The following APLF variants were observed in gnomAD, a reference collection of about 807,000 sequenced individuals.
APLF encodes aprataxin and PNKP like factor.
APLF carries 61 observed loss-of-function variants against 55.6 expected under a neutral mutation model. The observed-to-expected ratio is 1.10, with a 90% CI of 0.89 to 1.36. The LOEUF is 1.36. Ranked by LOEUF, APLF falls within the 40% of genes most tolerant of loss-of-function variation. The pLI is 0.00. For missense variants in APLF, 611 were observed against 602.5 expected (o/e 1.01, Z -0.15); for synonymous variants, 207 against 214.8 (o/e 0.96, Z 0.32).
chr2:68,476,259 G>T (rs974326556), intron 1 of APLF, among the ~76,000 whole-genome samples: 3 of 152,020 alleles, frequency 2.0e-5, no homozygotes, highest in African/African-American at 7.2e-5. Flanking sequence ...GCCGAGACGG[G>T]CAGATCACCT....
At chr2:68,477,534 G>A (rs911473822) in intron 1 of APLF, among the ~76,000 whole-genome samples, 10 of 152,064 alleles carry the variant, frequency 6.6e-5, no homozygotes, top group South Asian at 4.2e-4. Context: ...CCAGCTACTC[G>A]GAGGCTGAGG....
intron 5 of APLF, among the ~76,000 whole-genome samples, chr2:68,524,389 C>G (rs561534602): frequency 1.3e-5 from 2 of 152,274 alleles, no homozygotes; most frequent in African/African-American, 4.8e-5. Context: ...ACTTGAATGT[C>G]CTTTAGAACT....
At chr2:68,549,107 A>T (rs12468819) in intron 8 of APLF, among the ~76,000 whole-genome samples, 1 of 151,960 alleles carries the variant, frequency 6.6e-6, no homozygotes, top group Admixed American at 6.6e-5. Context: ...CTGAATCAGG[A>T]TCTGCTTAAA....
At chr2:68,501,823 T>C (rs566658486) in intron 2 of APLF, among the ~76,000 whole-genome samples, 1 of 152,182 alleles carries the variant, frequency 6.6e-6, no homozygotes, top group Non-Finnish European at 1.5e-5. Flanking sequence ...GAGATTTGAT[T>C]AGAATCTTCC....
chr2:68,554,920 A>G (rs1209961374), intron 8 of APLF, among the ~76,000 whole-genome samples: 6 of 152,162 alleles, frequency 3.9e-5, no homozygotes, highest in Non-Finnish European at 8.8e-5. Context: ...CGATAAGGCC[A>G]TAGTCACCAA....
At chr2:68,514,354 A>G (rs1370258668) in intron 5 of APLF, among the ~76,000 whole-genome samples, 1 of 151,466 alleles carries the variant, frequency 6.6e-6, no homozygotes, top group Non-Finnish European at 1.5e-5. Context: ...GTGCCTAGTG[A>G]TTTTCTATTG....
chr2:68,498,340 A>ATACT (rs1676621621), intron 2 of APLF, among the ~76,000 whole-genome samples: 2 of 152,252 alleles, frequency 1.3e-5, no homozygotes, highest in Non-Finnish European at 2.9e-5. Flanking sequence ...TCCCTTCTGT[A>ATACT]TACTGCATGC....
intron 7 of APLF, among the ~76,000 whole-genome samples, chr2:68,543,398 G>A (rs531269501): frequency 5.6e-4 from 86 of 152,214 alleles, no homozygotes; most frequent in African/African-American, 1.9e-3. Flanking sequence ...TTCATGGTTT[G>A]CCACTCTCTG....
At chr2:68,493,637 A>G (rs538872549) in intron 2 of APLF, among the ~76,000 whole-genome samples, 1 of 152,164 alleles carries the variant, frequency 6.6e-6, no homozygotes, top group Non-Finnish European at 1.5e-5. Context: ...GCATTGACAT[A>G]AAGAAATACC....
intron 8 of APLF, among the ~76,000 whole-genome samples, chr2:68,565,997 C>A (rs1671298495): frequency 6.6e-6 from 1 of 152,022 alleles, no homozygotes; most frequent in Non-Finnish European, 1.5e-5. Flanking sequence ...CTGGAGGAGG[C>A]AAGTATCTGC....
At chr2:68,512,150 G>T (rs771725062) in intron 3 of APLF, among the ~76,000 whole-genome samples, 1 of 151,598 alleles carries the variant, frequency 6.6e-6, no homozygotes, top group African/African-American at 2.4e-5. Flanking sequence ...ACTAGAGTGA[G>T]ATATAGAACA....
chr2:68,545,097 G>C (rs1670663393), intron 7 of APLF, 90 bp from the exon 8 acceptor site: 1 of 1,452,984 alleles, frequency 6.9e-7, no homozygotes, highest in Non-Finnish European at 9.4e-7. Flanking sequence ...AGGATAGCCA[G>C]ATGTGGATTG....
At chr2:68,475,749 G>A (rs934113221) in intron 1 of APLF, among the ~76,000 whole-genome samples, 6 of 152,034 alleles carry the variant, frequency 3.9e-5, no homozygotes, top group African/African-American at 1.5e-4. Context: ...AAATATTATG[G>A]CAGAGTCTCA....
intron 9 of APLF, among the ~76,000 whole-genome samples, chr2:68,577,348 C>G (rs1430027679): frequency 1.3e-5 from 2 of 152,138 alleles, no homozygotes; most frequent in Non-Finnish European, 2.9e-5. Context: ...CAGCCTCTAT[C>G]TGGGACATGC....
chr2:68,482,854 C>T (rs1676006312), intron 1 of APLF, among the ~76,000 whole-genome samples: 1 of 152,044 alleles, frequency 6.6e-6, no homozygotes. Flanking sequence ...GGGGTGTGAG[C>T]TCACAATGGT....
At chr2:68,543,049 A>G (rs1670600159) in intron 7 of APLF, among the ~76,000 whole-genome samples, 1 of 152,236 alleles carries the variant, frequency 6.6e-6, no homozygotes, top group African/African-American at 2.4e-5. Flanking sequence ...AGTCACAAAA[A>G]GATAAATACT....
In APLF at chr2:68,571,725, G is replaced by A. The variant is rs973365680; in HGVS notation, c.1333+4338G>A. Reference sequence around the variant, plus strand: ...GTAGTATAGTTTGAAGTCAGGTAGCGTGATGCCTCCAGCTTTGTTCTTTTG... The same window carrying A: ...GTAGTATAGTTTGAAGTCAGGTAGCATGATGCCTCCAGCTTTGTTCTTTTG... On this transcript the variant is annotated intron_variant, in intron 9 of 9. Coordinates refer to ENST00000303795, the MANE Select transcript of APLF (RefSeq NM_173545.3). 2.4e-4 allele frequency among the ~76,000 whole-genome samples: 36 copies of A among 152,252 alleles called. No individual in the cohort carries two copies. The South Asian group carries it at 2.9e-3, about 12-fold the overall frequency.
intron 9 of APLF, 147 bp downstream of exon 9, chr2:68,567,534 TAAAA>T (rs71395979): frequency 3.1e-6 from 2 of 654,272 alleles, no homozygotes; most frequent in Non-Finnish European, 5.0e-6. Context: ...TTTCTTATAT[TAAAA>T]AAAAACACAA....
At chr2:68,564,547 A>G (rs929217523) in intron 8 of APLF, among the ~76,000 whole-genome samples, 13 of 152,094 alleles carry the variant, frequency 8.5e-5, no homozygotes, top group Admixed American at 2.6e-4. Context: ...ATCAAAGGCT[A>G]ACATTATTTA....
Sources: allele counts gnomAD v4.1 joint callset (sites outside exome capture counted in the v4.1 genomes callset), GRCh38; gene constraint gnomAD v4.1.1; transcripts MANE v1.5; gene names NCBI Gene and HGNC (gene_info 2026-07-23, HGNC 2026-07-21).